The following RYK variants were observed in gnomAD, a reference collection of about 807,000 sequenced individuals.
RYK encodes the protein receptor like tyrosine kinase.
A neutral mutation model predicts 70.2 loss-of-function variants in RYK; 21 were observed. The ratio of observed to expected loss-of-function variants is 0.30; its 90% CI spans 0.21 to 0.43. The LOEUF is 0.43. Among genes scored for constraint, RYK ranks in the 20% least tolerant of loss-of-function variants. The probability of loss-of-function intolerance (pLI) is 1.00; values close to 1 mark genes in which losing one functional copy is unlikely to be tolerated. For synonymous variants in RYK, 267 were observed against 278.0 expected, an observed-to-expected ratio of 0.96 and a Z score of 0.39; for missense variants, 604 against 753.3, an observed-to-expected ratio of 0.80 and a Z score of 2.32.
chr3:134,222,057 A>G (rs140374424), intron 2 of RYK, among the ~76,000 whole-genome samples: 13 of 152,228 alleles, frequency 8.5e-5, no homozygotes, highest in East Asian at 1.9e-4. Flanking sequence ...TAAAAAGCCT[A>G]TCTTACCAAT....
chr3:134,171,319 T>C (rs551870068), intron 13 of RYK, among the ~76,000 whole-genome samples: 4 of 152,350 alleles, frequency 2.6e-5, no homozygotes, highest in African/African-American at 9.6e-5. Flanking sequence ...TGAAATGTTC[T>C]GCCTAACCAA....
intron 9 of RYK, among the ~76,000 whole-genome samples, chr3:134,188,381 C>T (rs2013539594): frequency 1.3e-5 from 2 of 151,900 alleles, no homozygotes; most frequent in South Asian, 4.2e-4. Flanking sequence ...AGGCTGGTCT[C>T]GAACTCCTGA....
Position 134,250,415 on chromosome 3 carries a change from C to A in RYK, c.232+8G>T. The stretch of plus-strand genomic sequence containing the variant: ...CCTGCCCGCCCCGGCCTCGGCGGCC[C>A]CACTCACCGATCAGCCGGCGCACCT... On this transcript the variant is annotated splice_region_variant and intron_variant, in intron 1 of 14. Transcript: ENST00000623711. 7.2e-7 allele frequency: 1 copy of A among 1,391,296 alleles called. No individual in the cohort carries two copies. The allele number at this position is 1,391,296 out of a possible 1,614,324, so 86.2% of individuals were successfully genotyped here.
Position 134,225,873 on chromosome 3 carries a change from A to C in RYK, c.233-3334T>G, listed in dbSNP as rs2014893810. 2.7e-5 allele frequency among the ~76,000 whole-genome samples: 2 copies of C among 73,870 alleles called. 1 individual carries two copies. The highest frequency in any genetic ancestry group is 6.4e-5 in the African/African-American group (2 of 31,166). 48.5% of individuals were successfully genotyped at this position (73,870 alleles called of 152,430 possible). A position where few individuals can be genotyped will look rare whatever the true frequency, so the allele number is the denominator to read the frequency against. On this transcript the variant is annotated intron_variant, in intron 1 of 14. Transcript: ENST00000623711. The stretch of plus-strand genomic sequence containing the variant: ...TCTCTCTTTAAAAAATAAAAAGATC[A>C]AAAAAAAAAAAGATCAAAGGTCACC...
intron 13 of RYK, among the ~76,000 whole-genome samples, chr3:134,169,185 GT>G (rs1307129444): frequency 6.6e-6 from 1 of 152,026 alleles, no homozygotes; most frequent in Non-Finnish European, 1.5e-5. Flanking sequence ...TCCTTGACTT[GT>G]TTTTCTTAAG....
chr3:134,245,520 T>G (rs971678502), intron 1 of RYK, among the ~76,000 whole-genome samples: 1 of 152,098 alleles, frequency 6.6e-6, no homozygotes, highest in African/African-American at 2.4e-5. Context: ...GGCTCAGGTC[T>G]TGAGGCACCA....
chr3:134,201,091 C>T (rs1488564552), intron 6 of RYK, among the ~76,000 whole-genome samples: 1 of 152,242 alleles, frequency 6.6e-6, no homozygotes, highest in Non-Finnish European at 1.5e-5. Context: ...CTTCAGTCAC[C>T]TCTCTACCTG....
intron 13 of RYK, among the ~76,000 whole-genome samples, chr3:134,160,662 C>G (rs1299594309): frequency 6.6e-6 from 1 of 152,148 alleles, no homozygotes; most frequent in African/African-American, 2.4e-5. Flanking sequence ...CAAGATCAGC[C>G]ATGACCAACA....
intron 10 of RYK, chr3:134,181,290 A>G (rs1276298231): frequency 6.6e-6 from 1 of 152,208 alleles, no homozygotes; most frequent in African/African-American, 2.4e-5. Flanking sequence ...CAATATTCCA[A>G]CTGTTTCTTT....
chr3:134,241,101 G>A (rs757781616), intron 1 of RYK, among the ~76,000 whole-genome samples: 1 of 146,304 alleles, frequency 6.8e-6, no homozygotes, highest in Admixed American at 6.9e-5. Flanking sequence ...CAGGGTTGGT[G>A]GGGGAGGGAA....
At chr3:134,164,099 G>A (rs1183987833) in intron 13 of RYK, among the ~76,000 whole-genome samples, 2 of 152,182 alleles carry the variant, frequency 1.3e-5, no homozygotes, top group Non-Finnish European at 2.9e-5. Flanking sequence ...GCCTCCCAAA[G>A]TGCTGGAATT....
chr3:134,189,631 G>A (rs1263994910), intron 8 of RYK, among the ~76,000 whole-genome samples: 1 of 151,034 alleles, frequency 6.6e-6, no homozygotes, highest in East Asian at 1.9e-4. Flanking sequence ...AAATTAGCCG[G>A]GCGTGGGAGG....
intron 2 of RYK, 118 bp from the exon 3 acceptor site, chr3:134,211,725 T>C (rs1023151018): frequency 3.2e-6 from 2 of 630,570 alleles, no homozygotes; most frequent in African/African-American, 1.8e-5. Flanking sequence ...GTACAAATAA[T>C]CTAGCTATAA....
intron 1 of RYK, among the ~76,000 whole-genome samples, chr3:134,232,232 A>C (rs1199547502): frequency 6.6e-6 from 1 of 152,070 alleles, no homozygotes; most frequent in Non-Finnish European, 1.5e-5. Flanking sequence ...CCTCAACCTC[A>C]ATTACTTCAA....
chr3:134,241,806 CCTCAGCAT>C (rs1467827533), intron 1 of RYK, among the ~76,000 whole-genome samples: 2 of 152,204 alleles, frequency 1.3e-5, no homozygotes, highest in African/African-American at 2.4e-5. Flanking sequence ...TTGCCCACAA[CCTCAGCAT>C]CTCAGCTTTA....
chr3:134,194,461 C>A lies in RYK; in HGVS notation c.889+621G>T, dbSNP rs1235325959. Among the ~76,000 whole-genome samples the A allele has an allele frequency of 1.2e-4, 18 of 152,294 alleles. No homozygotes were observed. The East Asian group carries it at 3.1e-3, about 26-fold the overall frequency. On this transcript the variant is annotated intron_variant, in intron 7 of 14. Coordinates refer to ENST00000623711, the MANE Select transcript of RYK (RefSeq NM_002958.4). The stretch of plus-strand genomic sequence containing the variant: ...ACATGTCCCAGGCTTATCTTGTTCA[C>A]TTCCTAACTCAGACCTGGAATCAGC...
rs746762709 is a variant in RYK at position 134,159,420 on chromosome 3, T to A, written c.1576-47A>T. 6 of 1,526,654 alleles carry A rather than the reference T, an allele frequency of 3.9e-6. No homozygotes were observed. In the African/African-American group the frequency reaches 8.3e-5, roughly 21 times the overall value. 94.6% of individuals were successfully genotyped at this position (1,526,654 alleles called of 1,614,324 possible). A position where few individuals can be genotyped will look rare whatever the true frequency, so the allele number is the denominator to read the frequency against. On this transcript the variant is annotated intron_variant, in intron 13 of 14. Transcript: ENST00000623711. ...AATGAGGGGACATTTAAAACAACAG[T>A]CAGGGGGCTAGCGCCCACAGCCAGC... is the stretch of plus-strand genomic sequence containing the variant.
At chr3:134,208,342 A>T (rs541690765) in intron 4 of RYK, among the ~76,000 whole-genome samples, 1 of 152,288 alleles carries the variant, frequency 6.6e-6, no homozygotes, top group African/African-American at 2.4e-5. Flanking sequence ...GAGGATAAGG[A>T]ACTGAATGTT....
rs567227554 is a variant in RYK at position 134,192,356 on chromosome 3, C to T, written c.890-382G>A. Among the ~76,000 whole-genome samples the T allele has an allele frequency of 2.0e-5, 3 of 152,152 alleles. No individual in the cohort carries two copies. The South Asian group carries it at 6.2e-4, about 32-fold the overall frequency. On this transcript the variant is annotated intron_variant, in intron 7 of 14. Coordinates refer to ENST00000623711, the MANE Select transcript of RYK (RefSeq NM_002958.4). ...AAGGTTTTCTAATATAGTCTCATAACACACCAACTTTTCAAATGAAGACAT... is the reference window on the plus strand; with the variant it reads ...AAGGTTTTCTAATATAGTCTCATAATACACCAACTTTTCAAATGAAGACAT...
Sources: allele counts gnomAD v4.1 joint callset (sites outside exome capture counted in the v4.1 genomes callset), GRCh38; gene constraint gnomAD v4.1.1; transcripts MANE v1.5; gene names NCBI Gene and HGNC (gene_info 2026-07-23, HGNC 2026-07-21).